PAK3: variants seen among roughly 807,000 people sequenced by gnomAD.
PAK3 encodes the protein p21 (RAC1) activated kinase 3, also known as serine/threonine-protein kinase PAK 3.
Under a neutral mutation model 41.0 loss-of-function variants are expected in PAK3, and 4 were observed. The observed-to-expected ratio is 0.10, with a 90% confidence interval of 0.05 to 0.22. The LOEUF is 0.22. Among genes scored for constraint, PAK3 ranks in the 10% least tolerant of loss-of-function variants. The probability of loss-of-function intolerance (pLI) is 1.00; values close to 1 mark genes in which losing one functional copy is unlikely to be tolerated. For synonymous variants in PAK3, 146 were observed against 139.6 expected, an observed-to-expected ratio of 1.05 and a Z score of -0.32; for missense variants, 205 against 409.9, an observed-to-expected ratio of 0.50 and a Z score of 4.32.
intron 7 of PAK3, among the ~76,000 whole-genome samples, chrX:111,149,369 C>G (rs1450325388): frequency 8.9e-5 from 10 of 111,853 alleles, no homozygotes; most frequent in African/African-American, 3.2e-4. Context: ...CGGTGGCCCT[C>G]TTCTCACAGC....
intron 1 of PAK3, among the ~76,000 whole-genome samples, chrX:110,962,911 CT>C (rs202222716): frequency 0.025 from 2,842 of 112,027 alleles, 84 homozygotes; most frequent in African/African-American, 0.087. Context: ...TTTATCCCCC[CT>C]AGATGTATTC....
rs1400358731 is a variant in PAK3, at chrX:111,223,696, A to G, written c.*3249A>G. 9.0e-6 allele frequency: 1 copy of G among 111,043 alleles called. No homozygotes were observed. The highest frequency in any genetic ancestry group is 2.8e-4 in the East Asian group (1 of 3,558). The allele number at this position is 111,043 out of a possible 1,213,427, so 9.2% of individuals were successfully genotyped here. A position where few individuals can be genotyped will look rare whatever the true frequency, so the allele number is the denominator to read the frequency against. On this transcript the variant is annotated 3_prime_UTR_variant, in exon 18 of 18. Coordinates refer to ENST00000372007, the MANE Select transcript of PAK3 (RefSeq NM_002578.5). Reference sequence around the variant, plus strand: ...TCCTGTTGTCTGTATAACTGTTTTGATAGTTTGAGATATTTGTCTATAAAT... The same window carrying G: ...TCCTGTTGTCTGTATAACTGTTTTGGTAGTTTGAGATATTTGTCTATAAAT...
chrX:111,147,974 AT>A, intron 7 of PAK3, 84 bp downstream of exon 7: 1 of 836,789 alleles, frequency 1.2e-6, no homozygotes, highest in Admixed American at 2.3e-5. Context: ...TCTGTGGGAC[AT>A]TTGAAATCGA....
chrX:110,970,965 G>C (rs1383419140), intron 1 of PAK3, among the ~76,000 whole-genome samples: 5 of 111,723 alleles, frequency 4.5e-5, no homozygotes, highest in Non-Finnish European at 9.4e-5. Flanking sequence ...ATTGCACTGG[G>C]TAGTACTACC....
At chrX:110,946,825 A>AT (rs1454770284) in intron 1 of PAK3, among the ~76,000 whole-genome samples, 1 of 112,849 alleles carries the variant, frequency 8.9e-6, no homozygotes. Flanking sequence ...TTCAAACTGT[A>AT]TATAAAATAG....
At chrX:111,187,639 A>T (rs912569196) in intron 11 of PAK3, among the ~76,000 whole-genome samples, 2 of 111,357 alleles carry the variant, frequency 1.8e-5, no homozygotes, top group African/African-American at 6.5e-5. Context: ...ATTCATATTT[A>T]TACCCGTTGA....
At chrX:111,157,488 C>T (rs1381105180) in intron 8 of PAK3, among the ~76,000 whole-genome samples, 1 of 111,317 alleles carries the variant, frequency 9.0e-6, no homozygotes, top group African/African-American at 3.3e-5. Flanking sequence ...GGACCCAACT[C>T]AGGTTAAGAA....
At chrX:111,031,654 G>A (rs981987774) in intron 1 of PAK3, among the ~76,000 whole-genome samples, 1 of 111,064 alleles carries the variant, frequency 9.0e-6, no homozygotes, top group African/African-American at 3.3e-5. Context: ...TTTCAGCAGC[G>A]GACAGAACAT....
At chrX:111,196,058 G>C in intron 15 of PAK3, 117 bp downstream of exon 15, 2 of 567,411 alleles carry the variant, frequency 3.5e-6, no homozygotes, top group Non-Finnish European at 6.1e-6. Context: ...TTACAGCCCA[G>C]TTTGAAGTAA....
chrX:111,025,167 T>C (rs2092250843), intron 1 of PAK3, among the ~76,000 whole-genome samples: 1 of 110,932 alleles, frequency 9.0e-6, no homozygotes, highest in African/African-American at 3.3e-5. Flanking sequence ...AAGAAGAAAG[T>C]TAGTAGCATT....
At chrX:111,060,522 T>C (rs969502622) in intron 1 of PAK3, among the ~76,000 whole-genome samples, 4 of 111,880 alleles carry the variant, frequency 3.6e-5, no homozygotes, top group African/African-American at 6.5e-5. Flanking sequence ...TTAAATGTTT[T>C]GTAGAATTCA....
intron 1 of PAK3, among the ~76,000 whole-genome samples, chrX:111,059,085 C>T (rs186955076): frequency 1.0e-5 from 1 of 98,927 alleles, no homozygotes; most frequent in East Asian, 3.2e-4. Flanking sequence ...TCACGAGGCC[C>T]TGGTATTTCC....
chrX:111,165,428 A>G (rs1277453434), intron 10 of PAK3, among the ~76,000 whole-genome samples: 1 of 112,055 alleles, frequency 8.9e-6, no homozygotes, highest in Non-Finnish European at 1.9e-5. Flanking sequence ...CAGTGAATGA[A>G]AGTAAGCTTT....
Position 111,220,945 on chromosome X carries a change from C to CAAAAA in PAK3, c.*511_*515dup. On this transcript the variant is annotated 3_prime_UTR_variant, in exon 18 of 18. Coordinates refer to ENST00000372007, the MANE Select transcript of PAK3 (RefSeq NM_002578.5). ...AAAAAAGAAAGCAAAAAAAGCAAGG[C>CAAAAA]AAAAAAAAAAAAAAAAACAAACAAA... 3 of 49,410 alleles carry CAAAAA rather than the reference C, an allele frequency of 6.1e-5. No individual in the cohort carries two copies. Among genetic ancestry groups the CAAAAA allele is most frequent in the African/African-American group, 2.6e-4 (3 of 11,735 alleles). The allele number at this position is 49,410 out of a possible 1,213,427, so 4.1% of individuals were successfully genotyped here.
chrX:110,946,107 T>C (rs1034951481), intron 1 of PAK3, among the ~76,000 whole-genome samples: 3 of 111,276 alleles, frequency 2.7e-5, no homozygotes, highest in African/African-American at 9.8e-5. Flanking sequence ...AAGGGAGGTA[T>C]GCTTGATTGG....
At chrX:110,952,293 G>C (rs183712749) in intron 1 of PAK3, among the ~76,000 whole-genome samples, 27 of 111,710 alleles carry the variant, frequency 2.4e-4, no homozygotes, top group Admixed American at 1.9e-4. Context: ...TCTTTTGTCT[G>C]AAGAGCACAG....
intron 4 of PAK3, among the ~76,000 whole-genome samples, chrX:111,114,341 G>A (rs774490731): frequency 8.9e-6 from 1 of 111,889 alleles, no homozygotes; most frequent in South Asian, 3.8e-4. Flanking sequence ...CATAGGCACT[G>A]GTAAATATTT....
At chrX:111,167,113 G>C (rs2149214240) in intron 10 of PAK3, among the ~76,000 whole-genome samples, 1 of 111,760 alleles carries the variant, frequency 8.9e-6, no homozygotes, top group Non-Finnish European at 1.9e-5. Flanking sequence ...TATTTTTACA[G>C]AGTGAGAGTG....
At chrX:110,992,079 T>C (rs2091659619) in intron 1 of PAK3, among the ~76,000 whole-genome samples, 1 of 111,168 alleles carries the variant, frequency 9.0e-6, no homozygotes, top group Non-Finnish European at 1.9e-5. Context: ...GAGTGAACCC[T>C]GCAGAGCCTA....
Sources: allele counts gnomAD v4.1 joint callset (sites outside exome capture counted in the v4.1 genomes callset), GRCh38; gene constraint gnomAD v4.1.1; transcripts MANE v1.5; gene names NCBI Gene and HGNC (gene_info 2026-07-23, HGNC 2026-07-21).